CDIN1: variants seen among roughly 807,000 people sequenced by gnomAD.
CDIN1 encodes the protein CDAN1-interacting nuclease 1.
CDIN1 carries 33 observed loss-of-function variants against 45.3 expected under a neutral mutation model. The observed-to-expected ratio is 0.73, with a 90% CI of 0.55 to 0.97. The LOEUF is 0.97. Among genes scored for constraint, CDIN1 ranks in the 50% least tolerant of loss-of-function variants. The pLI is 0.00. For synonymous variants in CDIN1, 118 were observed against 124.4 expected (o/e 0.95, Z 0.34); for missense variants, 303 against 339.4 (o/e 0.89, Z 0.84).
chr15:36,802,480 C>A (rs954520891), intron 10 of CDIN1, among the ~76,000 whole-genome samples: 44 of 152,044 alleles, frequency 2.9e-4, no homozygotes, highest in African/African-American at 1.0e-3. Flanking sequence ...TAGTATGATT[C>A]GAAACCTCTA....
intron 10 of CDIN1, among the ~76,000 whole-genome samples, chr15:36,763,619 G>A (rs2053836327): frequency 1.3e-5 from 2 of 152,124 alleles, no homozygotes; most frequent in South Asian, 4.1e-4. Flanking sequence ...CCATGTTGTG[G>A]TGAGAAACCA....
chr15:36,612,443 A>G (rs2038691456), intron 1 of CDIN1, among the ~76,000 whole-genome samples: 1 of 152,094 alleles, frequency 6.6e-6, no homozygotes. Context: ...TTGGGATTGT[A>G]TTTTCTATCC....
intron 10 of CDIN1, among the ~76,000 whole-genome samples, chr15:36,717,996 T>C (rs147660370): frequency 6.7e-6 from 1 of 149,054 alleles, no homozygotes; most frequent in Admixed American, 6.8e-5. Flanking sequence ...TCTCTTGAAA[T>C]CTTTGCTTCA....
At chr15:36,594,899 C>T (rs1193856852) in intron 1 of CDIN1, 2 of 985,336 alleles carry the variant, frequency 2.0e-6, no homozygotes, top group Non-Finnish European at 2.4e-6. Context: ...CCTCAAAGCT[C>T]AGCTTTCTGT....
chr15:36,658,933 T>G (rs2040882641), intron 5 of CDIN1, among the ~76,000 whole-genome samples: 1 of 152,212 alleles, frequency 6.6e-6, no homozygotes, highest in Non-Finnish European at 1.5e-5. Flanking sequence ...TTTCAATAGA[T>G]GTAGCCTCCA....
At chr15:36,799,658 T>G (rs1166969861) in intron 10 of CDIN1, 1 of 152,224 alleles carries the variant, frequency 6.6e-6, no homozygotes, top group East Asian at 1.9e-4. Context: ...TCAAGTGATA[T>G]AGTTTACTCT....
At chr15:36,718,118 T>A (rs1227906559) in intron 10 of CDIN1, among the ~76,000 whole-genome samples, 1 of 152,106 alleles carries the variant, frequency 6.6e-6, no homozygotes, top group Non-Finnish European at 1.5e-5. Context: ...GAACCCTTTT[T>A]TGAGAAGACT....
chr15:36,715,267 C>T (rs1595509713), intron 10 of CDIN1, among the ~76,000 whole-genome samples: 1 of 152,276 alleles, frequency 6.6e-6, no homozygotes, highest in Admixed American at 6.5e-5. Context: ...CTAATACCTT[C>T]TGCCACAGAA....
At chr15:36,581,269 C>T (rs2037028652) in intron 1 of CDIN1, among the ~76,000 whole-genome samples, 1 of 152,222 alleles carries the variant, frequency 6.6e-6, no homozygotes, top group Admixed American at 6.5e-5. Flanking sequence ...ATTCTCCTCT[C>T]ACTATGTATG....
chr15:36,716,405 G>A (rs925119301), intron 10 of CDIN1, among the ~76,000 whole-genome samples: 1 of 152,110 alleles, frequency 6.6e-6, no homozygotes, highest in Non-Finnish European at 1.5e-5. Context: ...AAAAATAAAT[G>A]AGAGTTTACC....
intron 1 of CDIN1, among the ~76,000 whole-genome samples, chr15:36,583,889 G>A (rs958294463): frequency 7.2e-5 from 11 of 152,040 alleles, no homozygotes; most frequent in Admixed American, 1.3e-4. Flanking sequence ...GGTGGCGGGC[G>A]CCTGTAGTCC....
chr15:36,777,024 T>G (rs1211976043), intron 10 of CDIN1, among the ~76,000 whole-genome samples: 1 of 152,196 alleles, frequency 6.6e-6, no homozygotes, highest in African/African-American at 2.4e-5. Context: ...CTTCTGATCT[T>G]AAGGTTATAT....
At chr15:36,680,609 C>G (rs2041817483) in intron 5 of CDIN1, among the ~76,000 whole-genome samples, 2 of 152,008 alleles carry the variant, frequency 1.3e-5, no homozygotes, top group South Asian at 2.1e-4. Flanking sequence ...GATATAGACA[C>G]GAGGGGCTGG....
chr15:36,596,666 A>G (rs1241348144), intron 1 of CDIN1, among the ~76,000 whole-genome samples: 1 of 152,160 alleles, frequency 6.6e-6, no homozygotes, highest in Non-Finnish European at 1.5e-5. Context: ...ATTCAGGCAA[A>G]GTGTGTAGAT....
At chr15:36,785,371 A>T (rs910422922) in intron 10 of CDIN1, among the ~76,000 whole-genome samples, 3 of 152,208 alleles carry the variant, frequency 2.0e-5, no homozygotes, top group African/African-American at 7.2e-5. Flanking sequence ...GGTAGGCCTC[A>T]CACTTTGGCC....
At position 36,691,872 on chromosome 15, in the gene CDIN1, T is replaced by C. The variant is rs1050266441; in HGVS notation, c.426+108T>C. 3.2e-6 allele frequency: 3 copies of C among 932,774 alleles called. No homozygotes were observed. In the African/African-American group the frequency reaches 5.0e-5, roughly 15 times the overall value. The allele number at this position is 932,774 out of a possible 1,614,324, so 57.8% of individuals were successfully genotyped here. On this transcript the variant is annotated intron_variant, in intron 6 of 10. Transcript: ENST00000566621. Reference sequence around the variant, plus strand: ...CTGTCATCATAAACTATCACTGAGGTCAGGGTGCACCATAAATGGCAATGC... The same window carrying C: ...CTGTCATCATAAACTATCACTGAGGCCAGGGTGCACCATAAATGGCAATGC...
At chr15:36,619,217 T>C (rs2039036918) in intron 1 of CDIN1, 1 of 1,308,784 alleles carries the variant, frequency 7.6e-7, no homozygotes, top group Non-Finnish European at 1.0e-6. Flanking sequence ...CCTCAGGGAG[T>C]GACATGACGT....
chr15:36,726,949 A>G (rs1174216835), intron 10 of CDIN1, among the ~76,000 whole-genome samples: 1 of 152,234 alleles, frequency 6.6e-6, no homozygotes, highest in Non-Finnish European at 1.5e-5. Context: ...TGTTTCTAAT[A>G]TAATGGCATT....
intron 1 of CDIN1, among the ~76,000 whole-genome samples, chr15:36,600,360 G>A (rs1335333777): frequency 6.6e-6 from 1 of 152,226 alleles, no homozygotes; most frequent in African/African-American, 2.4e-5. Context: ...TCAGTATGAA[G>A]GCGGGGTGCA....
Sources: gnomAD v4.1 joint callset for allele counts (sites outside exome capture counted in the v4.1 genomes callset) on GRCh38, gnomAD v4.1.1 for gene constraint, MANE v1.5 for transcripts, NCBI Gene and HGNC (gene_info 2026-07-23, HGNC 2026-07-21) for gene names.